HACE1: variants seen among roughly 807,000 people sequenced by gnomAD.
HACE1 encodes HECT domain and ankyrin repeat containing E3 ubiquitin protein ligase 1.
A neutral mutation model predicts 118.4 loss-of-function variants in HACE1; 73 were observed. That is an observed-to-expected ratio of 0.62 (90% confidence interval 0.51 to 0.75). The LOEUF is 0.75. HACE1 is among the 30% of genes least tolerant of loss of function. HACE1 has a pLI of 0.00. For missense variants in HACE1, 749 were observed against 1,102.2 expected (o/e 0.68, Z 4.54); for synonymous variants, 368 against 374.8 (o/e 0.98, Z 0.21).
intron 22 of HACE1, among the ~76,000 whole-genome samples, chr6:104,735,220 C>T (rs996831253): frequency 6.6e-6 from 1 of 151,530 alleles, no homozygotes; most frequent in Non-Finnish European, 1.5e-5. Context: ...AGTTAATACC[C>T]CTAATATATA....
chr6:104,843,405 T>C (rs1022046274), intron 4 of HACE1, 107 bp from the exon 5 acceptor site: 1 of 736,780 alleles, frequency 1.4e-6, no homozygotes, highest in Non-Finnish European at 2.5e-6. Flanking sequence ...GATGACATCA[T>C]AACATCTTTA....
In HACE1 at chr6:104,825,382, C is replaced by CT. The variant is rs1405499005; in HGVS notation, c.534+7659dup. Among the ~76,000 whole-genome samples the CT allele has an allele frequency of 3.9e-5, 6 of 151,960 alleles. No homozygotes were observed. The East Asian group carries it at 1.2e-3, about 29-fold the overall frequency. ...ACCAATCAGACGTTTGCATAGGAGT[C>CT]TAACTCTGTAACTTCACTTCAGCCT... On this transcript the variant is annotated intron_variant, in intron 6 of 23. Transcript: ENST00000262903.
intron 22 of HACE1, among the ~76,000 whole-genome samples, chr6:104,743,391 T>A (rs190734671): frequency 6.6e-6 from 1 of 151,912 alleles, no homozygotes; most frequent in African/African-American, 2.4e-5. Context: ...AGAAAAAACA[T>A]AGAAGAAAAT....
At chr6:104,850,015 T>C in intron 3 of HACE1, among the ~76,000 whole-genome samples, 1 of 147,142 alleles carries the variant, frequency 6.8e-6, no homozygotes, top group East Asian at 2.1e-4. Context: ...AGTGGCACAA[T>C]CTTGGCTCAC....
In HACE1 at chr6:104,838,486, G is replaced by A. The variant is rs1248540234; in HGVS notation, c.402+4737C>T. ...GGACCATCTCTTCAATAAATGGTGC[G>A]GGAAAACTGGATATCCATACACAAA... On this transcript the variant is annotated intron_variant, in intron 5 of 23. Coordinates refer to ENST00000262903, the MANE Select transcript of HACE1 (RefSeq NM_020771.4). Among the ~76,000 whole-genome samples, 5 of 151,904 alleles carry A rather than the reference G, an allele frequency of 3.3e-5. No individual in the cohort carries two copies. The East Asian group carries it at 9.6e-4, about 29-fold the overall frequency.
chr6:104,745,882 G>A (rs1467163008), intron 20 of HACE1, among the ~76,000 whole-genome samples: 4 of 152,058 alleles, frequency 2.6e-5, no homozygotes, highest in Non-Finnish European at 5.9e-5. Flanking sequence ...GAGGGTTTCC[G>A]AGATCTACTC....
intron 20 of HACE1, among the ~76,000 whole-genome samples, chr6:104,749,613 A>G (rs1777823260): frequency 6.6e-6 from 1 of 152,168 alleles, no homozygotes; most frequent in Non-Finnish European, 1.5e-5. Flanking sequence ...TCCAAATTAT[A>G]TACTTTTAGG....
intron 1 of HACE1, 41 bp from the exon 2 acceptor site, chr6:104,852,412 T>C (rs1176244573): frequency 8.5e-7 from 1 of 1,170,200 alleles, no homozygotes. Context: ...TCCCCTACTT[T>C]GTGCAAGGGG....
intron 14 of HACE1, among the ~76,000 whole-genome samples, chr6:104,783,160 G>A (rs1188864984): frequency 2.0e-5 from 3 of 152,136 alleles, no homozygotes; most frequent in African/African-American, 4.8e-5. Context: ...TGGCTAGAAA[G>A]TTCTCCCTCT....
intron 4 of HACE1, among the ~76,000 whole-genome samples, chr6:104,847,628 G>C (rs1037374842): frequency 2.0e-5 from 3 of 151,918 alleles, no homozygotes; most frequent in African/African-American, 4.8e-5. Flanking sequence ...ATCTTTATAC[G>C]CAAAAATTTG....
intron 10 of HACE1, among the ~76,000 whole-genome samples, chr6:104,793,859 TTTA>T (rs1783332690): frequency 6.6e-6 from 1 of 152,194 alleles, no homozygotes; most frequent in African/African-American, 2.4e-5. Flanking sequence ...CAATGAGATA[TTTA>T]CAGGCCAAAA....
At chr6:104,762,958 C>T (rs1385835844) in intron 19 of HACE1, among the ~76,000 whole-genome samples, 3 of 131,946 alleles carry the variant, frequency 2.3e-5, no homozygotes, top group Admixed American at 9.0e-5. Context: ...CCACTGAACT[C>T]GAGCCTGGGC....
chr6:104,827,662 C>T (rs553869124), intron 6 of HACE1, among the ~76,000 whole-genome samples: 19 of 152,108 alleles, frequency 1.2e-4, no homozygotes, highest in Non-Finnish European at 2.1e-4. Context: ...TACCTTTGTG[C>T]CTCAAGGCTG....
chr6:104,734,142 CAAAAAAAAAAAA>C (rs11370746), intron 22 of HACE1, among the ~76,000 whole-genome samples: 1 of 87,174 alleles, frequency 1.1e-5, no homozygotes, highest in Non-Finnish European at 2.3e-5. Flanking sequence ...GACTCTTCCT[CAAAAAAAAAAAA>C]AAAAAAAAGA....
At chr6:104,795,746 A>C (rs930174986) in intron 9 of HACE1, 61 bp from the exon 10 acceptor site, 33 of 980,352 alleles carry the variant, frequency 3.4e-5, no homozygotes, top group Non-Finnish European at 4.7e-5. Context: ...CTTATCAAAC[A>C]ATTAAGTACC....
intron 6 of HACE1, among the ~76,000 whole-genome samples, chr6:104,831,994 GGA>G (rs1774022595): frequency 4.0e-4 from 31 of 77,586 alleles, no homozygotes; most frequent in East Asian, 2.7e-3. Context: ...AAGGAAGGAA[GGA>G]AGGAAGGAAG....
intron 5 of HACE1, among the ~76,000 whole-genome samples, chr6:104,842,658 C>A (rs1775231296): frequency 6.6e-6 from 1 of 152,012 alleles, no homozygotes; most frequent in Non-Finnish European, 1.5e-5. Flanking sequence ...CCTAGGAAGT[C>A]CCTTAAAAGT....
Position 104,785,124 on chromosome 6 carries a change from T to C in HACE1, c.1270A>G (p.Arg424Gly), listed in dbSNP as rs1242165419. 3 of 1,614,026 alleles carry C rather than the reference T, an allele frequency of 1.9e-6. No individual in the cohort carries two copies. The highest frequency in any genetic ancestry group is 2.5e-6 in the Non-Finnish European group (3 of 1,179,932). The change falls in exon 12 of 24, where the codon AGG (arginine) becomes GGG (glycine). Residue 424 changes from arginine to glycine, a missense_variant. Coordinates refer to ENST00000262903, the MANE Select transcript of HACE1 (RefSeq NM_020771.4). ...GSYENLSTGT[R>G]ESKPDALAGR... ...GCAAGAGCATCTGGTTTAGATTCCC[T>C]TGTGCCAGTGGACAGATTTTCATAG...
At chr6:104,822,915 C>T (rs1157989628) in intron 6 of HACE1, among the ~76,000 whole-genome samples, 2 of 152,036 alleles carry the variant, frequency 1.3e-5, no homozygotes. Flanking sequence ...TATACTGTAG[C>T]GCTTACAATA....
Sources: allele counts gnomAD v4.1 joint callset (sites outside exome capture counted in the v4.1 genomes callset), GRCh38; gene constraint gnomAD v4.1.1; transcripts MANE v1.5; gene names NCBI Gene and HGNC (gene_info 2026-07-23, HGNC 2026-07-21).